DMGDH: variants seen among roughly 807,000 people sequenced by gnomAD.
The protein encoded by DMGDH is dimethylglycine dehydrogenase.
Under a neutral mutation model 95.2 loss-of-function variants are expected in DMGDH, and 76 were observed. The observed-to-expected ratio is 0.80, with a 90% CI of 0.66 to 0.97. The LOEUF (loss-of-function observed/expected upper bound fraction) is 0.97, where lower values mean the gene tolerates loss of function less well. DMGDH is among the 50% of genes least tolerant of loss of function. The probability of loss-of-function intolerance (pLI) is 0.00; values close to 1 mark genes in which losing one functional copy is unlikely to be tolerated. For synonymous variants in DMGDH, 345 were observed against 377.6 expected (o/e 0.91, Z 1.00); for missense variants, 987 against 1,055.0 (o/e 0.94, Z 0.89).
rs1349721767 is a variant in DMGDH, at chr5:79,026,562, C to T, written c.2052G>A (p.Leu684=). Residue 684 remains leucine (L), a synonymous_variant, in exon 13 of 16, where the codon CTG becomes CTA. Coordinates refer to ENST00000255189, the MANE Select transcript of DMGDH (RefSeq NM_013391.3). ...ISYTGELGWE[L]YHRREDSVAL... is the part of the protein sequence containing the mutation. ...CCACAGAATCTTCTCTTCTGTGATACAGCTCCCAACCCAGCTCACCTGAAA... is the reference window on the plus strand; with the variant it reads ...CCACAGAATCTTCTCTTCTGTGATATAGCTCCCAACCCAGCTCACCTGAAA... 4.3e-6 allele frequency: 7 copies of T among 1,614,144 alleles called. No individual in the cohort carries two copies. The highest frequency in any genetic ancestry group is 1.3e-5 in the African/African-American group (1 of 75,032).
intron 15 of DMGDH, chr5:79,000,736 A>C: frequency 1.6e-6 from 1 of 627,694 alleles, no homozygotes; most frequent in Admixed American, 2.2e-5. Context: ...ACTTTCACCA[A>C]TATTCTGTCA....
intron 15 of DMGDH, chr5:79,001,008 C>G: frequency 1.4e-6 from 1 of 701,594 alleles, no homozygotes; most frequent in Non-Finnish European, 2.6e-6. Context: ...AATTCTAATA[C>G]AAAATATTTT....
At chr5:79,007,651 C>A (rs948938779) in intron 14 of DMGDH, among the ~76,000 whole-genome samples, 6 of 152,090 alleles carry the variant, frequency 3.9e-5, no homozygotes, top group Non-Finnish European at 7.3e-5. Context: ...TAGTCAGTGA[C>A]CAAATTGACT....
intron 9 of DMGDH, 96 bp downstream of exon 9, chr5:79,032,591 T>A: frequency 6.6e-7 from 1 of 1,506,652 alleles, no homozygotes; most frequent in Non-Finnish European, 9.2e-7. Flanking sequence ...TGGAACAGGG[T>A]GGAGCAATGG....
chr5:79,021,716 C>A, intron 14 of DMGDH: 1 of 1,291,676 alleles, frequency 7.7e-7, no homozygotes, highest in South Asian at 1.2e-5. Context: ...ACAGCAAAAA[C>A]ATGTGGGGGA....
intron 14 of DMGDH, among the ~76,000 whole-genome samples, chr5:79,012,168 G>T (rs1205983774): frequency 6.6e-6 from 1 of 152,080 alleles, no homozygotes; most frequent in Non-Finnish European, 1.5e-5. Flanking sequence ...ACAAGCACTG[G>T]GTAAACATTC....
intron 2 of DMGDH, among the ~76,000 whole-genome samples, chr5:79,063,260 A>T (rs1243106366): frequency 6.6e-6 from 1 of 152,194 alleles, no homozygotes; most frequent in Non-Finnish European, 1.5e-5. Flanking sequence ...CTTGCGTTTA[A>T]TAATTTTGCA....
Position 79,026,503 on chromosome 5 carries a change from T to G in DMGDH, c.2111A>C (p.Glu704Ala), listed in dbSNP as rs768136900. Residue 704 changes from glutamate (E) to alanine (A), a missense_variant, in exon 13 of 16, where the codon GAG (glutamate) becomes GCG (alanine). Glu to Ala is a moderately radical substitution (Grantham distance 107). Transcript: ENST00000255189. ...LYDAIMNAGQ[E>A]EGIDNFGTYA... ...GGTTCCAAAATTGTCGATTCCCTCC[T>G]CCTGGCCTGCATTCATGATAGCGTC... 1 of 1,614,152 alleles carries G rather than the reference T, an allele frequency of 6.2e-7. No homozygotes were observed. The highest frequency in any genetic ancestry group is 1.7e-5 in the Admixed American group (1 of 60,024).
At chr5:79,029,768 AT>A (rs753917594) in intron 11 of DMGDH, 135 bp downstream of exon 11, 26 of 961,990 alleles carry the variant, frequency 2.7e-5, no homozygotes, top group Non-Finnish European at 3.2e-5. Flanking sequence ...ATTAAAAAAA[AT>A]AAAGTTTATT....
rs778744737 is a variant in DMGDH at position 78,998,039 on chromosome 5, G to C, written c.*43C>G. On this transcript the variant is annotated 3_prime_UTR_variant, in exon 16 of 16. Transcript: ENST00000255189. ...GCCAGTTATAATAATTTCAAGGACA[G>C]TCATTAGCAACTCTAATTCAGTTGA... 2 of 1,594,940 alleles carry C rather than the reference G, an allele frequency of 1.3e-6. No individual in the cohort carries two copies. Among genetic ancestry groups the C allele is most frequent in the Non-Finnish European group, 1.7e-6 (2 of 1,162,720 alleles).
At chr5:79,063,829 G>C in intron 1 of DMGDH, 42 bp from the exon 2 acceptor site, 1 of 1,602,408 alleles carries the variant, frequency 6.2e-7, no homozygotes, top group Non-Finnish European at 8.5e-7. Context: ...AATCGGCAAT[G>C]GTAGCTATAG....
intron 2 of DMGDH, among the ~76,000 whole-genome samples, chr5:79,056,264 G>GT (rs909544663): frequency 1.2e-4 from 19 of 152,184 alleles, no homozygotes; most frequent in African/African-American, 4.6e-4. Flanking sequence ...ATATAGAAAA[G>GT]TATCTTGGGA....
At chr5:79,046,045 G>A (rs903188109) in intron 5 of DMGDH, among the ~76,000 whole-genome samples, 1 of 149,696 alleles carries the variant, frequency 6.7e-6, no homozygotes, top group Non-Finnish European at 1.5e-5. Flanking sequence ...GGGCATCAGA[G>A]CTATTTGCCG....
intron 14 of DMGDH, among the ~76,000 whole-genome samples, chr5:79,018,331 T>G (rs2112609001): frequency 1.3e-5 from 2 of 152,316 alleles, no homozygotes; most frequent in Middle Eastern, 6.8e-3. Flanking sequence ...GAGATGCCAC[T>G]GGGAATGATC....
intron 6 of DMGDH, among the ~76,000 whole-genome samples, 196 bp from the exon 7 acceptor site, chr5:79,042,677 G>A (rs1754544215): frequency 6.6e-6 from 1 of 152,072 alleles, no homozygotes; most frequent in African/African-American, 2.4e-5. Context: ...CAATGGTATT[G>A]TTCTTGAAAC....
intron 7 of DMGDH, among the ~76,000 whole-genome samples, chr5:79,035,006 G>A (rs896825951): frequency 1.4e-5 from 2 of 139,570 alleles, no homozygotes; most frequent in Admixed American, 7.6e-5. Flanking sequence ...GCAGTGAGCC[G>A]AGATCGCGCC....
At chr5:79,052,393 A>G (rs1754894795) in intron 4 of DMGDH, among the ~76,000 whole-genome samples, 1 of 152,204 alleles carries the variant, frequency 6.6e-6, no homozygotes, top group Non-Finnish European at 1.5e-5. Flanking sequence ...TCTTCTCTAC[A>G]TATCTGGTCA....
intron 7 of DMGDH, among the ~76,000 whole-genome samples, chr5:79,036,758 T>C (rs1291814348): frequency 1.3e-5 from 2 of 152,148 alleles, no homozygotes; most frequent in Admixed American, 1.3e-4. Flanking sequence ...TCAGAATCTA[T>C]AGGAGTAGTG....
intron 7 of DMGDH, among the ~76,000 whole-genome samples, chr5:79,039,702 TATAATAATAATAATAAATAATA>T (rs1158448630): frequency 2.0e-5 from 3 of 151,576 alleles, no homozygotes; most frequent in Non-Finnish European, 4.4e-5. Flanking sequence ...AAACTTAAAG[TATAATAATAATAATAAATAATA>T]ATAATAATAA....
Sources: allele counts gnomAD v4.1 joint callset (sites outside exome capture counted in the v4.1 genomes callset), GRCh38; gene constraint gnomAD v4.1.1; transcripts MANE v1.5; gene names NCBI Gene and HGNC (gene_info 2026-07-23, HGNC 2026-07-21).